The following CDA variants were observed in gnomAD, a reference collection of about 807,000 sequenced individuals.
The protein encoded by CDA is cytidine deaminase, also known as cytidine aminohydrolase.
CDA carries 7 observed loss-of-function variants against 15.0 expected under a neutral mutation model. That is an observed-to-expected ratio of 0.47 (90% CI 0.26 to 0.87). CDA has a LOEUF of 0.87. Among genes scored for constraint, CDA ranks in the 40% least tolerant of loss-of-function variants. The pLI, the probability that CDA is intolerant of heterozygous loss-of-function variation, is 0.15. For missense variants in CDA, 159 were observed against 182.7 expected, an observed-to-expected ratio of 0.87 and a Z score of 0.75; for synonymous variants, 58 against 73.0, an observed-to-expected ratio of 0.79 and a Z score of 1.05.
rs774961036 is a variant in CDA, at chr1:20,604,918, C to T, written c.155-10C>T. On this transcript the variant is annotated splice_polypyrimidine_tract_variant and intron_variant, in intron 1 of 3. Coordinates refer to ENST00000375071, the MANE Select transcript of CDA (RefSeq NM_001785.3). ...GCCAGACATACCACTGGACTCTGCT[C>T]TCTTCTCAGGGTGCAACATAGAAAA... 6.3e-7 allele frequency: 1 copy of T among 1,586,264 alleles called. No homozygotes were observed. Among genetic ancestry groups the T allele is most frequent in the African/African-American group, 1.3e-5 (1 of 74,368 alleles).
intron 2 of CDA, among the ~76,000 whole-genome samples, chr1:20,610,261 CTTTT>C (rs760754305): frequency 4.8e-5 from 3 of 62,928 alleles, no homozygotes; most frequent in South Asian, 8.2e-4. Flanking sequence ...CACACATTAT[CTTTT>C]TTTTTTTTAT....
chr1:20,590,550 C>T (rs1183386976), intron 1 of CDA, among the ~76,000 whole-genome samples: 1 of 152,206 alleles, frequency 6.6e-6, no homozygotes. Context: ...CCTCCACATC[C>T]TTTCCAGATG....
intron 2 of CDA, among the ~76,000 whole-genome samples, chr1:20,607,258 C>G (rs571283931): frequency 1.4e-4 from 22 of 152,330 alleles, no homozygotes; most frequent in African/African-American, 5.1e-4. Context: ...TTGCCTCAGT[C>G]TGGCCCCAAG....
At chr1:20,596,283 C>T (rs182861424) in intron 1 of CDA, among the ~76,000 whole-genome samples, 6 of 152,286 alleles carry the variant, frequency 3.9e-5, no homozygotes, top group East Asian at 3.9e-4. Context: ...GAGAGAGTGT[C>T]GTATTTCTTC....
At chr1:20,589,838 C>G (rs564528185) in intron 1 of CDA, among the ~76,000 whole-genome samples, 49 of 152,230 alleles carry the variant, frequency 3.2e-4, no homozygotes, top group African/African-American at 1.1e-3. Flanking sequence ...AGGGTGGTGA[C>G]GTGTTTGTCG....
intron 1 of CDA, among the ~76,000 whole-genome samples, chr1:20,600,227 C>T (rs946871785): frequency 6.6e-6 from 1 of 152,182 alleles, no homozygotes; most frequent in Non-Finnish European, 1.5e-5. Context: ...TGTGCTTTAA[C>T]GGCATGTCAG....
chr1:20,612,215 C>T (rs981686100), intron 2 of CDA, among the ~76,000 whole-genome samples: 6 of 152,068 alleles, frequency 3.9e-5, no homozygotes, highest in Non-Finnish European at 7.4e-5. Context: ...CCAGGGCTTC[C>T]GAATAGCATC....
At chr1:20,604,049 TG>T (rs34008190) in intron 1 of CDA, among the ~76,000 whole-genome samples, 53,706 of 152,008 alleles carry the variant, frequency 0.35, 9,826 homozygotes, top group Middle Eastern at 0.45. Context: ...TTTTTTTGTT[TG>T]TTTGTTAATT....
chr1:20,608,621 G>T (rs1186147705), intron 2 of CDA, among the ~76,000 whole-genome samples: 1 of 152,200 alleles, frequency 6.6e-6, no homozygotes, highest in African/African-American at 2.4e-5. Flanking sequence ...CGTTGACCAA[G>T]CTGGTCTCGA....
intron 1 of CDA, among the ~76,000 whole-genome samples, chr1:20,593,538 G>T (rs192753134): frequency 1.3e-5 from 2 of 152,186 alleles, no homozygotes; most frequent in East Asian, 3.9e-4. Flanking sequence ...GGGCATCAGG[G>T]AACATGAGTG....
chr1:20,609,713 CAT>C (rs1420207320), intron 2 of CDA, among the ~76,000 whole-genome samples: 2 of 152,144 alleles, frequency 1.3e-5, no homozygotes, highest in East Asian at 3.8e-4. Context: ...GCCTGCCTGA[CAT>C]AGAGAAGGAT....
intron 1 of CDA, among the ~76,000 whole-genome samples, chr1:20,595,842 C>CAAAA (rs1195136238): frequency 1.2e-4 from 9 of 73,052 alleles, no homozygotes; most frequent in East Asian, 4.4e-4. Context: ...AAGACTCTCT[C>CAAAA]AAAAAAAAAA....
chr1:20,601,601 T>A (rs1459894875), intron 1 of CDA, among the ~76,000 whole-genome samples: 1 of 152,212 alleles, frequency 6.6e-6, no homozygotes, highest in Non-Finnish European at 1.5e-5. Context: ...ACAAGGGACC[T>A]GCAGCTGTGG....
chr1:20,598,246 C>G (rs773607324), intron 1 of CDA, among the ~76,000 whole-genome samples: 1 of 152,086 alleles, frequency 6.6e-6, no homozygotes, highest in African/African-American at 2.4e-5. Flanking sequence ...GGATGAATAC[C>G]GCTATAAAAA....
rs139089160 is a variant in CDA, at chr1:20,592,062, G to A, written c.154+2779G>A. ...TCATCATGTTGGCTAATCTGGTCTC[G>A]AACTCTGAGGTGATCCACCCGCCTC... On this transcript the variant is annotated intron_variant, in intron 1 of 3. Coordinates refer to ENST00000375071, the MANE Select transcript of CDA (RefSeq NM_001785.3). 7.5e-4 allele frequency among the ~76,000 whole-genome samples: 114 copies of A among 152,020 alleles called. 1 individual carries two copies. In the East Asian group the frequency reaches 0.02, roughly 27 times the overall value.
chr1:20,604,912 T>TCAG lies in CDA; in HGVS notation c.155-15_155-14insAGC. The stretch of plus-strand genomic sequence containing the variant: ...GTCTCTGCCAGACATACCACTGGAC[T>TCAG]CTGCTCTCTTCTCAGGGTGCAACAT... On this transcript the variant is annotated splice_polypyrimidine_tract_variant and intron_variant, in intron 1 of 3. Transcript: ENST00000375071. 6.5e-7 allele frequency: 1 copy of TCAG among 1,546,054 alleles called. No individual in the cohort carries two copies. Among genetic ancestry groups the TCAG allele is most frequent in the South Asian group, 1.1e-5 (1 of 88,236 alleles).
chr1:20,608,141 G>A (rs1218512692), intron 2 of CDA, among the ~76,000 whole-genome samples: 2 of 152,168 alleles, frequency 1.3e-5, no homozygotes, highest in Admixed American at 1.3e-4. Context: ...ACATCCTGAG[G>A]CAGCCAGCAG....
intron 2 of CDA, among the ~76,000 whole-genome samples, chr1:20,608,410 T>TTTTGTTTTGTTTTGTTTTGTTTTGC (rs150267819): frequency 0.014 from 2,094 of 151,208 alleles, 34 homozygotes; most frequent in African/African-American, 0.032. Context: ...TTTTGTTTTG[T>TTTTGTTTTGTTTTGTTTTGTTTTGC]TTTGTTTTGT....
At chr1:20,589,395 T>A (rs554800643) in intron 1 of CDA, 112 bp downstream of exon 1, 89 of 1,020,034 alleles carry the variant, frequency 8.7e-5, no homozygotes, top group Admixed American at 3.0e-4. Flanking sequence ...CGCGGCTCTG[T>A]CCCTTCTTCC....
Sources: gnomAD v4.1 joint callset for allele counts (sites outside exome capture counted in the v4.1 genomes callset) on GRCh38, gnomAD v4.1.1 for gene constraint, MANE v1.5 for transcripts, NCBI Gene and HGNC (gene_info 2026-07-23, HGNC 2026-07-21) for gene names.